Variants in SLC67A1 observed in about 807,000 individuals in gnomAD.
SLC67A1 encodes solute carrier family 67 member A1.
the SLC67A1 span, among the ~76,000 whole-genome samples, chr11:2,905,321 G>A: frequency 6.6e-6 from 1 of 152,266 alleles, no homozygotes; most frequent in East Asian, 1.9e-4. Flanking sequence ...TCGTGGAGGA[G>A]GGAAGAAGCC....
At chr11:2,909,565 G>A in the SLC67A1 span, 52 of 1,524,592 alleles carry the variant, frequency 3.4e-5, no homozygotes, top group Non-Finnish European at 4.2e-5. Flanking sequence ...CAGCTCCCCC[G>A]CCCCGTCCCC....
chr11:2,904,569 T>C, the SLC67A1 span, among the ~76,000 whole-genome samples: 1 of 152,156 alleles, frequency 6.6e-6, no homozygotes, highest in Non-Finnish European at 1.5e-5. Flanking sequence ...TCAGAACCCT[T>C]CCCACAGCTG....
chr11:2,905,919 A>G, the SLC67A1 span, among the ~76,000 whole-genome samples: 4 of 152,172 alleles, frequency 2.6e-5, no homozygotes, highest in Admixed American at 2.0e-4. Flanking sequence ...ACAGAAGGGG[A>G]CTGTGCAGAG....
chr11:2,914,736 T>G, the SLC67A1 span: 6 of 985,458 alleles, frequency 6.1e-6, no homozygotes, highest in Non-Finnish European at 7.2e-6. Context: ...CGTCTGCTCC[T>G]GTGTACTTCT....
chr11:2,904,685 T>G, the SLC67A1 span, among the ~76,000 whole-genome samples: 1 of 152,116 alleles, frequency 6.6e-6, no homozygotes, highest in East Asian at 1.9e-4. Flanking sequence ...ACCTGAAATA[T>G]TGCAGAGTGT....
chr11:2,915,392 G>A, the SLC67A1 span: 2 of 281,508 alleles, frequency 7.1e-6, no homozygotes, highest in Non-Finnish European at 1.1e-5. Flanking sequence ...GTTTTTGGGT[G>A]CAAGGGCATC....
chr11:2,909,187 G>A, the SLC67A1 span: 3 of 1,503,048 alleles, frequency 2.0e-6, no homozygotes, highest in Non-Finnish European at 2.6e-6. Flanking sequence ...CCCGCCCCTC[G>A]GCCCCCAGGT....
chr11:2,912,929 C>T, the SLC67A1 span, among the ~76,000 whole-genome samples: 29 of 152,272 alleles, frequency 1.9e-4, no homozygotes, highest in Non-Finnish European at 1.3e-4. Context: ...GCCCTGTGGG[C>T]AGGACACCCC....
chr11:2,911,970 G>T, the SLC67A1 span, among the ~76,000 whole-genome samples: 8 of 152,188 alleles, frequency 5.3e-5, no homozygotes, highest in Admixed American at 2.6e-4. Context: ...GATCTGAGGC[G>T]CTTTACAATC....
At chr11:2,912,744 TG>T in the SLC67A1 span, among the ~76,000 whole-genome samples, 1 of 151,568 alleles carries the variant, frequency 6.6e-6, no homozygotes, top group Non-Finnish European at 1.5e-5. Context: ...ACACGCTGGG[TG>T]GGGGGTGGCT....
At chr11:2,921,946 C>A in the SLC67A1 span, 2 of 676,636 alleles carry the variant, frequency 3.0e-6, no homozygotes, top group Non-Finnish European at 5.4e-6. Context: ...AGGGAGAGAC[C>A]CCGGGGCTTG....
At chr11:2,916,515 C>A in the SLC67A1 span, 2 of 787,038 alleles carry the variant, frequency 2.5e-6, no homozygotes, top group South Asian at 1.6e-5. Context: ...TGTGGGAGGT[C>A]AGATTTAAGC....
At chr11:2,912,675 G>A in the SLC67A1 span, among the ~76,000 whole-genome samples, 1 of 152,208 alleles carries the variant, frequency 6.6e-6, no homozygotes, top group Non-Finnish European at 1.5e-5. Context: ...AGCCTCCAGA[G>A]CCCAGGGCTG....
the SLC67A1 span, chr11:2,916,590 G>C: frequency 6.4e-7 from 1 of 1,566,566 alleles, no homozygotes; most frequent in Non-Finnish European, 8.8e-7. Flanking sequence ...CCTGGGACCC[G>C]CACCCTGTGC....
chr11:2,900,649 C>T, the SLC67A1 span, among the ~76,000 whole-genome samples: 5 of 137,582 alleles, frequency 3.6e-5, no homozygotes, highest in East Asian at 2.2e-4. Flanking sequence ...GCCGAGATCG[C>T]GCCACTGCAC....
the SLC67A1 span, chr11:2,919,292 C>G: frequency 6.2e-7 from 1 of 1,602,242 alleles, no homozygotes; most frequent in Admixed American, 1.7e-5. Context: ...CCCCTGTTCC[C>G]CTGCCCCGGC....
At chr11:2,903,427 C>T in the SLC67A1 span, 2 of 1,613,178 alleles carry the variant, frequency 1.2e-6, no homozygotes, top group Non-Finnish European at 1.7e-6. Flanking sequence ...GGTCATCTTG[C>T]TTACCTACGT....
At chr11:2,924,993 C>A in the SLC67A1 span, 1 of 1,593,146 alleles carries the variant, frequency 6.3e-7, no homozygotes, top group Non-Finnish European at 8.6e-7. The surrounding 1 kb of genome is among the most constrained non-coding windows in gnomAD (Gnocchi z 8.6). Flanking sequence ...GCCTGACTAC[C>A]CCCATGCACC....
At chr11:2,915,096 G>C in the SLC67A1 span, 2 of 985,384 alleles carry the variant, frequency 2.0e-6, no homozygotes, top group Non-Finnish European at 2.4e-6. Flanking sequence ...CAGGTGGGGT[G>C]GATATGCCAG....
Sources: gnomAD v4.1 joint callset for allele counts (sites outside exome capture counted in the v4.1 genomes callset) on GRCh38, gnomAD v4.1.1 for gene constraint, Gnocchi (gnomAD v3.1) non-coding constraint, MANE v1.5 for transcripts, NCBI Gene and HGNC (gene_info 2026-07-23, HGNC 2026-07-21) for gene names.